Variants in TULP4 observed in about 807,000 individuals in gnomAD.
TULP4 encodes TUB like protein 4.
A neutral mutation model predicts 129.0 loss-of-function variants in TULP4; 16 were observed. The ratio of observed to expected loss-of-function variants is 0.12; its 90% confidence interval spans 0.08 to 0.19. The LOEUF (loss-of-function observed/expected upper bound fraction) is 0.19. Among genes scored for constraint, TULP4 ranks in the 10% least tolerant of loss-of-function variants. TULP4 has a pLI of 1.00. For missense variants in TULP4, 1,842 were observed against 2,059.1 expected (o/e 0.89, Z 2.04); for synonymous variants, 998 against 854.0 (o/e 1.17, Z -2.94).
chr6:158,260,591 A>C (rs1016064809), intron 1 of TULP4, among the ~76,000 whole-genome samples: 1 of 150,606 alleles, frequency 6.6e-6, no homozygotes, highest in Non-Finnish European at 1.5e-5. Context: ...AAAAAAAAAA[A>C]TGTTCATTAG....
At chr6:158,347,132 C>T (rs1780332345) in intron 1 of TULP4, among the ~76,000 whole-genome samples, 1 of 152,146 alleles carries the variant, frequency 6.6e-6, no homozygotes, top group Non-Finnish European at 1.5e-5. Context: ...ATAATGTGAT[C>T]TTAAGGGCAT....
chr6:158,353,230 CA>C (rs2114807872), intron 1 of TULP4, among the ~76,000 whole-genome samples: 1 of 152,344 alleles, frequency 6.6e-6, no homozygotes, highest in Non-Finnish European at 1.5e-5. Context: ...GATAATGCTT[CA>C]AACCTACATA....
chr6:158,244,348 A>G (rs1777986302), intron 1 of TULP4, among the ~76,000 whole-genome samples: 1 of 152,238 alleles, frequency 6.6e-6, no homozygotes, highest in African/African-American at 2.4e-5. Flanking sequence ...TTTACTAGTC[A>G]TTAAATAAAT....
rs80029261 is a variant in TULP4, at chr6:158,338,701, C to A, written c.252+24433C>A. ...CTAGCAGGTTGGAAGGTAAACTTGG[C>A]CCAGGGACCTAAATTACTACTTTGG... On this transcript the variant is annotated intron_variant, in intron 1 of 13. Coordinates refer to ENST00000367097, the MANE Select transcript of TULP4 (RefSeq NM_020245.5). Among the ~76,000 whole-genome samples, 292 of 152,240 alleles carry A rather than the reference C, an allele frequency of 1.9e-3. 2 individuals are homozygous for A. Among genetic ancestry groups the A allele is most frequent in the Non-Finnish European group, 2.3e-3 (157 of 68,010 alleles).
intron 1 of TULP4, among the ~76,000 whole-genome samples, chr6:158,289,679 C>T (rs1351254426): frequency 1.3e-5 from 2 of 152,142 alleles, no homozygotes; most frequent in African/African-American, 4.8e-5. Context: ...CTCCTGGGCT[C>T]AAGTGATCCT....
chr6:158,415,040 G>T (rs28367352), intron 2 of TULP4, among the ~76,000 whole-genome samples: 129 of 152,172 alleles, frequency 8.5e-4, no homozygotes, highest in Non-Finnish European at 1.2e-3. Flanking sequence ...TTTCTCTTTT[G>T]GCAGAGATGC....
intron 1 of TULP4, among the ~76,000 whole-genome samples, chr6:158,264,277 G>A (rs942710123): frequency 1.3e-5 from 2 of 152,142 alleles, no homozygotes; most frequent in Non-Finnish European, 1.5e-5. Flanking sequence ...GGGCAGTGGC[G>A]TGTGTCGTTG....
At chr6:158,265,385 G>T (rs6911000) in intron 1 of TULP4, among the ~76,000 whole-genome samples, 5 of 152,006 alleles carry the variant, frequency 3.3e-5, no homozygotes, top group Non-Finnish European at 7.4e-5. Flanking sequence ...AAATGTAGTG[G>T]CTAAAGAGGA....
intron 13 of TULP4, among the ~76,000 whole-genome samples, chr6:158,504,394 T>C (rs1780549252): frequency 6.6e-6 from 1 of 151,934 alleles, no homozygotes; most frequent in Non-Finnish European, 1.5e-5. Context: ...TGGCCCAGGC[T>C]GGAGTGCAGT....
intron 1 of TULP4, among the ~76,000 whole-genome samples, chr6:158,245,353 A>T (rs1484040065): frequency 6.6e-6 from 1 of 151,962 alleles, no homozygotes; most frequent in African/African-American, 2.4e-5. Context: ...AATATAAAGT[A>T]TCATGTTATG....
chr6:158,244,743 G>A (rs1352797846), intron 1 of TULP4, among the ~76,000 whole-genome samples: 1 of 152,148 alleles, frequency 6.6e-6, no homozygotes, highest in Admixed American at 6.5e-5. Context: ...TGTAGTCCTA[G>A]CACTTTGGGA....
chr6:158,236,610 A>G (rs1777706074), intron 1 of TULP4, among the ~76,000 whole-genome samples: 1 of 125,316 alleles, frequency 8.0e-6, no homozygotes, highest in Admixed American at 8.8e-5. Context: ...TAAGGCCTCC[A>G]TAATTTAAAG....
intron 1 of TULP4, among the ~76,000 whole-genome samples, chr6:158,323,174 C>A (rs1779675708): frequency 6.6e-6 from 1 of 152,042 alleles, no homozygotes; most frequent in African/African-American, 2.4e-5. Context: ...ACAAAATTGC[C>A]CTTGTTGGAC....
intron 1 of TULP4, among the ~76,000 whole-genome samples, chr6:158,395,201 C>CTA (rs1159124568): frequency 2.6e-5 from 4 of 152,132 alleles, no homozygotes; most frequent in African/African-American, 9.7e-5. Flanking sequence ...CAAACCATAC[C>CTA]ATCCCATGTT....
chr6:158,325,478 G>A (rs376805826), intron 1 of TULP4, among the ~76,000 whole-genome samples: 3 of 150,074 alleles, frequency 2.0e-5, no homozygotes, highest in South Asian at 4.3e-4. Context: ...TTAGCCTCCC[G>A]AGTAGCTGGG....
chr6:158,296,747 A>G (rs1051349560), intron 1 of TULP4, among the ~76,000 whole-genome samples: 1 of 152,222 alleles, frequency 6.6e-6, no homozygotes, highest in African/African-American at 2.4e-5. Flanking sequence ...ATGACATCAC[A>G]TATTGGTAGG....
intron 1 of TULP4, among the ~76,000 whole-genome samples, chr6:158,235,692 A>G (rs958324419): frequency 3.3e-5 from 5 of 152,176 alleles, no homozygotes; most frequent in Admixed American, 2.0e-4. Context: ...CATTGTATGT[A>G]TATACCACAT....
intron 2 of TULP4, among the ~76,000 whole-genome samples, chr6:158,416,456 GAA>G (rs55817565): frequency 0.25 from 36,504 of 146,844 alleles, 5,621 homozygotes; most frequent in Non-Finnish European, 0.35. Context: ...CATTTAAAAA[GAA>G]AAAAAAAATT....
At chr6:158,406,814 T>C in intron 1 of TULP4, among the ~76,000 whole-genome samples, 1 of 152,220 alleles carries the variant, frequency 6.6e-6, no homozygotes, top group Non-Finnish European at 1.5e-5. Context: ...AGATATATTA[T>C]TTTCTGACAA....
Sources: gnomAD v4.1 joint callset for allele counts (sites outside exome capture counted in the v4.1 genomes callset) on GRCh38, gnomAD v4.1.1 for gene constraint, MANE v1.5 for transcripts, NCBI Gene and HGNC (gene_info 2026-07-23, HGNC 2026-07-21) for gene names.